The following GABRB1 variants were observed in gnomAD, a reference collection of about 807,000 sequenced individuals.
GABRB1 encodes the protein gamma-aminobutyric acid type A receptor subunit beta1.
In GABRB1, 17 loss-of-function variants were observed where a neutral mutation model predicts 51.6. The observed-to-expected ratio is 0.33, with a 90% CI of 0.23 to 0.49. GABRB1 has a LOEUF of 0.49. Among genes scored for constraint, GABRB1 ranks in the 20% least tolerant of loss-of-function variants. The pLI, the probability that GABRB1 is intolerant of heterozygous loss-of-function variation, is 0.99. For missense variants in GABRB1, 410 were observed against 600.6 expected, an observed-to-expected ratio of 0.68 and a Z score of 3.32; for synonymous variants, 247 against 218.9, an observed-to-expected ratio of 1.13 and a Z score of -1.14.
At chr4:47,312,290 C>T (rs1298849051) in intron 4 of GABRB1, among the ~76,000 whole-genome samples, 3 of 152,090 alleles carry the variant, frequency 2.0e-5, no homozygotes, top group Non-Finnish European at 4.4e-5. Flanking sequence ...TTATGTCTCA[C>T]GCTCCCAGGA....
At chr4:47,247,373 G>A (rs907090859) in intron 4 of GABRB1, among the ~76,000 whole-genome samples, 1 of 152,028 alleles carries the variant, frequency 6.6e-6, no homozygotes, top group Non-Finnish European at 1.5e-5. Flanking sequence ...TGTTCCATTG[G>A]TCTGTGTGCC....
rs958125970 is a variant in GABRB1, at chr4:47,228,524, T to C, written c.461+67055T>C. Among the ~76,000 whole-genome samples, 3 of 152,140 alleles carry C rather than the reference T, an allele frequency of 2.0e-5. No homozygotes were observed. In the East Asian group the frequency reaches 5.8e-4, roughly 29 times the overall value. ...TAATTTTGGACATTATGTCTTTGCA[T>C]TCTAGATTAATAGATACTTAACATA... On this transcript the variant is annotated intron_variant, in intron 4 of 8. Coordinates refer to ENST00000295454, the MANE Select transcript of GABRB1 (RefSeq NM_000812.4).
At chr4:47,194,203 G>A (rs184799876) in intron 4 of GABRB1, among the ~76,000 whole-genome samples, 3 of 152,258 alleles carry the variant, frequency 2.0e-5, no homozygotes, top group Admixed American at 6.5e-5. Context: ...TAGAATTGAC[G>A]TCATTTTGTC....
chr4:47,226,861 C>T (rs1212546364), intron 4 of GABRB1, among the ~76,000 whole-genome samples: 3 of 151,908 alleles, frequency 2.0e-5, no homozygotes, highest in African/African-American at 7.3e-5. Context: ...TGGTTCTGTT[C>T]AATACTAATA....
intron 3 of GABRB1, among the ~76,000 whole-genome samples, chr4:47,071,987 C>T (rs1727355260): frequency 6.7e-6 from 1 of 150,240 alleles, no homozygotes; most frequent in Non-Finnish European, 1.5e-5. Flanking sequence ...CCTTAAACAA[C>T]TCTATGATTT....
At chr4:47,098,893 A>G (rs1714592210) in intron 3 of GABRB1, among the ~76,000 whole-genome samples, 2 of 152,130 alleles carry the variant, frequency 1.3e-5, no homozygotes, top group South Asian at 2.1e-4. Flanking sequence ...TCATTGAAAG[A>G]AAATTCAACA....
At chr4:47,073,170 G>A (rs1048486499) in intron 3 of GABRB1, among the ~76,000 whole-genome samples, 1 of 152,082 alleles carries the variant, frequency 6.6e-6, no homozygotes, top group African/African-American at 2.4e-5. Flanking sequence ...TGAAAATTGT[G>A]GAGGCATAAG....
chr4:47,096,097 T>G (rs1376583645), intron 3 of GABRB1, among the ~76,000 whole-genome samples: 1 of 152,204 alleles, frequency 6.6e-6, no homozygotes, highest in Non-Finnish European at 1.5e-5. Context: ...TTCACACAGA[T>G]GGTGGTCTCC....
At chr4:47,132,049 T>C (rs1716439590) in intron 3 of GABRB1, among the ~76,000 whole-genome samples, 1 of 152,224 alleles carries the variant, frequency 6.6e-6, no homozygotes, top group Non-Finnish European at 1.5e-5. Context: ...TTTTATTTGC[T>C]GTGATTTATG....
At chr4:47,333,609 GA>G (rs1370126377) in intron 5 of GABRB1, among the ~76,000 whole-genome samples, 3 of 152,090 alleles carry the variant, frequency 2.0e-5, no homozygotes, top group African/African-American at 7.2e-5. Flanking sequence ...CAGCCACTCA[GA>G]AGGCTGAGGC....
In GABRB1 at chr4:47,302,503, A is replaced by G. The variant is rs1414334073; in HGVS notation, c.462-17624A>G. Among the ~76,000 whole-genome samples the G allele has an allele frequency of 2.0e-5, 3 of 152,046 alleles. No homozygotes were observed. The East Asian group carries it at 5.8e-4, about 29-fold the overall frequency. ...TTAACTTAATAAACTGCATTTAAAT[A>G]TTTTAAAATATACAAAATTCAAGAA... is the stretch of plus-strand genomic sequence containing the variant. On this transcript the variant is annotated intron_variant, in intron 4 of 8. Transcript: ENST00000295454.
chr4:47,199,286 G>T (rs1292794446), intron 4 of GABRB1, among the ~76,000 whole-genome samples: 1 of 152,188 alleles, frequency 6.6e-6, no homozygotes, highest in Admixed American at 6.5e-5. Flanking sequence ...AAGTGGGACA[G>T]ACAAGGGTGT....
intron 5 of GABRB1, among the ~76,000 whole-genome samples, chr4:47,400,199 T>A (rs1728328387): frequency 6.6e-6 from 1 of 151,460 alleles, no homozygotes; most frequent in South Asian, 2.1e-4. Context: ...TTCATATATT[T>A]AAAAAAAAAC....
At chr4:47,013,169 C>T (rs1448086349) in intron 1 of GABRB1, among the ~76,000 whole-genome samples, 1 of 140,794 alleles carries the variant, frequency 7.1e-6, no homozygotes, top group Non-Finnish European at 1.6e-5. Context: ...GTGTGTAAGG[C>T]TATTCTTATC....
chr4:47,039,425 C>T (rs1384738249), intron 3 of GABRB1, among the ~76,000 whole-genome samples: 1 of 145,962 alleles, frequency 6.9e-6, no homozygotes, highest in Non-Finnish European at 1.5e-5. Flanking sequence ...TAGTCTTTTT[C>T]AAAAAACAGA....
intron 4 of GABRB1, among the ~76,000 whole-genome samples, chr4:47,240,344 T>C (rs1415122992): frequency 1.3e-5 from 2 of 152,202 alleles, no homozygotes; most frequent in Admixed American, 1.3e-4. Context: ...GCCAAAGTTA[T>C]TATCAGCATA....
chr4:47,084,281 C>T (rs1255407751), intron 3 of GABRB1, among the ~76,000 whole-genome samples: 1 of 152,194 alleles, frequency 6.6e-6, no homozygotes, highest in Non-Finnish European at 1.5e-5. Flanking sequence ...GCAAGGCAAA[C>T]ATAGGCTAAG....
At chr4:47,350,504 T>C (rs1211161418) in intron 5 of GABRB1, among the ~76,000 whole-genome samples, 1 of 151,820 alleles carries the variant, frequency 6.6e-6, no homozygotes, top group African/African-American at 2.4e-5. Context: ...GCTTCATCTA[T>C]AAAATAGGGA....
intron 3 of GABRB1, among the ~76,000 whole-genome samples, chr4:47,143,230 C>A (rs955868873): frequency 1.3e-5 from 2 of 151,816 alleles, no homozygotes; most frequent in Non-Finnish European, 2.9e-5. Flanking sequence ...AGGGTATCAT[C>A]AAAAAGAATT....
Sources: gnomAD v4.1 joint callset for allele counts (sites outside exome capture counted in the v4.1 genomes callset) on GRCh38, gnomAD v4.1.1 for gene constraint, MANE v1.5 for transcripts, NCBI Gene and HGNC (gene_info 2026-07-23, HGNC 2026-07-21) for gene names.